OTULIN: variants seen among roughly 807,000 people sequenced by gnomAD.
OTULIN encodes the protein ubiquitin thioesterase otulin.
A neutral mutation model predicts 39.6 loss-of-function variants in OTULIN; 15 were observed. The ratio of observed to expected loss-of-function variants is 0.38; its 90% CI spans 0.25 to 0.58. The LOEUF (loss-of-function observed/expected upper bound fraction) is 0.58. OTULIN is among the 20% of genes least tolerant of loss of function. OTULIN has a pLI of 0.66. For synonymous variants in OTULIN, 156 were observed against 170.3 expected, an observed-to-expected ratio of 0.92 and a Z score of 0.65; for missense variants, 319 against 445.9, an observed-to-expected ratio of 0.72 and a Z score of 2.56.
intron 4 of OTULIN, among the ~76,000 whole-genome samples, chr5:14,683,967 C>A (rs941283513): frequency 6.6e-6 from 1 of 152,102 alleles, no homozygotes; most frequent in Non-Finnish European, 1.5e-5. Flanking sequence ...ATCACTGTTA[C>A]AATATGTTGC....
At position 14,690,116 on chromosome 5, in the gene OTULIN, G is replaced by C; in HGVS notation, c.672G>C (p.Glu224Asp). 6.2e-7 allele frequency: 1 copy of C among 1,614,064 alleles called. No homozygotes were observed. Among genetic ancestry groups the C allele is most frequent in the Non-Finnish European group, 8.5e-7 (1 of 1,179,964 alleles). ...ATGAACTATTCACAAATGAGGCGGAGGAATATAGCCTCTATGAAGCTGTAA... is the reference window on the plus strand; with the variant it reads ...ATGAACTATTCACAAATGAGGCGGACGAATATAGCCTCTATGAAGCTGTAA... The part of the protein sequence containing the change: ...ACDELFTNEA[E>D]EYSLYEAVKF... The change falls in exon 6 of 7, where the codon GAG (glutamate) becomes GAC (aspartate). Residue 224 changes from glutamate to aspartate, a missense_variant. Physicochemically the swap from Glu to Asp is conservative, Grantham distance 45. Around this residue, in one of 4 missense-constraint regions of OTULIN, gnomAD observed 106 missense variants for 192.8 expected, o/e 0.55. Coordinates refer to ENST00000284274, the MANE Select transcript of OTULIN (RefSeq NM_138348.6). This position sits in a 1 kb window ranked among gnomAD's most constrained non-coding sequence, Gnocchi z 4.5.
the OTULIN span, among the ~76,000 whole-genome samples, chr5:14,714,034 G>A: frequency 6.6e-6 from 1 of 152,272 alleles, no homozygotes; most frequent in Non-Finnish European, 1.5e-5. Context: ...AGAGAAAAGT[G>A]GCACTCTAGT....
chr5:14,698,578 C>G lies in OTULIN; in HGVS notation c.*5530C>G, dbSNP rs973626084. The G allele has an allele frequency of 7.2e-5, 11 of 152,224 alleles. No homozygotes were observed. Among genetic ancestry groups the G allele is most frequent in the African/African-American group, 2.7e-4 (11 of 41,446 alleles). 9.4% of individuals were successfully genotyped at this position (152,224 alleles called of 1,614,324 possible). On this transcript the variant is annotated 3_prime_UTR_variant, in exon 7 of 7. Transcript: ENST00000284274. The stretch of plus-strand genomic sequence containing the variant: ...TGCAGAGGACTGTAAAAACAAATAA[C>G]TAAAAATAAACTTAGAAAATACAAC...
Position 14,681,592 on chromosome 5 carries a change from C to T in OTULIN, c.453C>T (p.Asp151=), listed in dbSNP as rs773774176. The part of the protein sequence containing the change: ...QAVGLPPWLQ[D]PELMLLPEKL... ...TGGGGCTGCCGCCCTGGCTGCAGGA[C>T]CCGGAGCTCATGCTGGTACGCTGCT... is the stretch of plus-strand genomic sequence containing the variant. Residue 151 remains aspartate, a synonymous_variant, in exon 4 of 7, where the codon GAC becomes GAT. Coordinates refer to ENST00000284274, the MANE Select transcript of OTULIN (RefSeq NM_138348.6). 2.5e-6 allele frequency: 4 copies of T among 1,612,524 alleles called. No individual in the cohort carries two copies. The highest frequency in any genetic ancestry group is 2.2e-5 in the South Asian group (2 of 90,796).
At chr5:14,678,653 C>CTTT (rs562824991) in intron 2 of OTULIN, 28 bp from the exon 3 acceptor site, 8 of 1,120,998 alleles carry the variant, frequency 7.1e-6, no homozygotes, top group East Asian at 3.0e-5. Context: ...TTATTATTTG[C>CTTT]TTTTTTTTTT....
intron 3 of OTULIN, 76 bp from the exon 4 acceptor site, chr5:14,681,388 T>G: frequency 6.6e-7 from 1 of 1,513,116 alleles, no homozygotes; most frequent in Non-Finnish European, 8.9e-7. Context: ...GCCAAGCTTT[T>G]TCCACAGGAA....
chr5:14,711,089 CAAAACAAAACAAAAAAAAG>C, the OTULIN span: 40 of 1,033,350 alleles, frequency 3.9e-5, no homozygotes, highest in Non-Finnish European at 5.9e-5. Flanking sequence ...CTTTCATTAC[CAAAACAAAACAAAAAAAAG>C]GGAACAAAAT....
chr5:14,710,786 T>TA, the OTULIN span: 1 of 226,596 alleles, frequency 4.4e-6, no homozygotes, highest in African/African-American at 2.3e-5. Flanking sequence ...TGTTGATTCT[T>TA]AAGAGCGATG....
At chr5:14,673,574 C>T in intron 1 of OTULIN, 68 bp from the exon 2 acceptor site, 1 of 1,368,922 alleles carries the variant, frequency 7.3e-7, no homozygotes, top group East Asian at 2.3e-5. Flanking sequence ...TTGTAAGCAG[C>T]TGTATAATAG....
intron 2 of OTULIN, among the ~76,000 whole-genome samples, chr5:14,674,861 A>G (rs1046259947): frequency 6.6e-6 from 1 of 152,256 alleles, no homozygotes; most frequent in Non-Finnish European, 1.5e-5. Context: ...ACTCATCCCT[A>G]AAGAACTGAC....
intron 4 of OTULIN, 140 bp from the exon 5 acceptor site, chr5:14,687,380 GC>G: frequency 1.0e-6 from 1 of 980,708 alleles, no homozygotes; most frequent in Non-Finnish European, 1.5e-6. Flanking sequence ...TCCATCCTAA[GC>G]CCACATCACA....
chr5:14,712,373 T>G, the OTULIN span, among the ~76,000 whole-genome samples: 1 of 152,062 alleles, frequency 6.6e-6, no homozygotes, highest in Admixed American at 6.6e-5. Flanking sequence ...TGTGGCTTCC[T>G]ACTTCACTGA....
downstream of OTULIN, among the ~76,000 whole-genome samples, chr5:14,702,219 C>G (rs180896499): frequency 1.7e-4 from 26 of 152,228 alleles, no homozygotes; most frequent in African/African-American, 6.0e-4. Flanking sequence ...TGTGACTCCT[C>G]TAGATGGGGG....
intron 6 of OTULIN, among the ~76,000 whole-genome samples, chr5:14,691,909 C>T (rs1736537670): frequency 6.6e-6 from 1 of 152,162 alleles, no homozygotes; most frequent in Non-Finnish European, 1.5e-5. Flanking sequence ...CCATATTGCA[C>T]CATGTATTAG....
chr5:14,678,572 T>C (rs1258134746), intron 2 of OTULIN, 109 bp from the exon 3 acceptor site: 2 of 771,948 alleles, frequency 2.6e-6, no homozygotes, highest in Non-Finnish European at 2.0e-6. Flanking sequence ...CTGGATTTTT[T>C]GACGTGAAGA....
At chr5:14,687,965 C>T in intron 5 of OTULIN, 1 of 173,726 alleles carries the variant, frequency 5.8e-6, no homozygotes, top group Non-Finnish European at 1.2e-5. Context: ...TAATTTGGTT[C>T]CTATTTCTTA....
At chr5:14,665,949 C>T (rs1358337487) in intron 1 of OTULIN, among the ~76,000 whole-genome samples, 2 of 152,162 alleles carry the variant, frequency 1.3e-5, no homozygotes, top group Non-Finnish European at 2.9e-5. Flanking sequence ...GATTGAAAGT[C>T]AGCGGGATTA....
chr5:14,694,778 T>C lies in OTULIN; in HGVS notation c.*1730T>C, dbSNP rs1435552744. 6.5e-6 allele frequency: 1 copy of C among 152,676 alleles called. No individual in the cohort carries two copies. Among genetic ancestry groups the C allele is most frequent in the Non-Finnish European group, 1.5e-5 (1 of 68,046 alleles). 9.5% of individuals were successfully genotyped at this position (152,676 alleles called of 1,614,324 possible). A position where few individuals can be genotyped will look rare whatever the true frequency, so the allele number is the denominator to read the frequency against. On this transcript the variant is annotated 3_prime_UTR_variant, in exon 7 of 7. Transcript: ENST00000284274. ...TGGAGAGGCTTTGTGTTCTTCACTG[T>C]GAAATGCAATTGTGCCTTGAATAAG...
chr5:14,713,784 C>T, the OTULIN span: 9 of 1,461,802 alleles, frequency 6.2e-6, no homozygotes, highest in Non-Finnish European at 8.5e-6. The surrounding 1 kb of genome is among the most constrained non-coding windows in gnomAD (Gnocchi z 4.4). Flanking sequence ...CCTGGCCTTG[C>T]TGTTGAGCCG....
Sources: gnomAD v4.1 joint callset for allele counts (sites outside exome capture counted in the v4.1 genomes callset) on GRCh38, gnomAD v4.1.1 for gene constraint, gnomAD v4.1.1 regional missense constraint, Gnocchi (gnomAD v3.1) non-coding constraint, MANE v1.5 for transcripts, NCBI Gene and HGNC (gene_info 2026-07-23, HGNC 2026-07-21) for gene names.